HSP90AA1: variants seen among roughly 807,000 people sequenced by gnomAD.
The protein encoded by HSP90AA1 is heat shock protein HSP 90-alpha.
HSP90AA1 carries 18 observed loss-of-function variants against 73.3 expected under a neutral mutation model. That is an observed-to-expected ratio of 0.25 (90% CI 0.17 to 0.36). The LOEUF (loss-of-function observed/expected upper bound fraction) is 0.36, where lower values mean the gene tolerates loss of function less well. Ranked by LOEUF, HSP90AA1 falls within the 10% of genes least tolerant of loss-of-function variation. HSP90AA1 has a pLI of 1.00. For synonymous variants in HSP90AA1, 477 were observed against 296.9 expected, an observed-to-expected ratio of 1.61 and a Z score of -6.24; for missense variants, 704 against 874.2, an observed-to-expected ratio of 0.81 and a Z score of 2.45.
At chr14:102,090,119 T>G (rs998849100), upstream of HSP90AA1, among the ~76,000 whole-genome samples, 2 of 152,194 alleles carry the variant, frequency 1.3e-5, no homozygotes, top group African/African-American at 4.8e-5. Flanking sequence ...CCCACTGTGC[T>G]CCTATTTCTG....
Position 102,084,987 on chromosome 14 carries a change from T to C in HSP90AA1, c.675A>G (p.Glu225=), listed in dbSNP as rs147326221. Residue 225 remains glutamate, a synonymous_variant, in exon 5 of 11, where the codon GAA becomes GAG. Transcript: ENST00000216281. Reference sequence around the variant, plus strand: ...CATCATCGCTTACTTCTTTATCACGTTCCTTCTCCACCTTCAAAAGAAAAC... The same window carrying C: ...CATCATCGCTTACTTCTTTATCACGCTCCTTCTCCACCTTCAAAAGAAAAC... The part of the protein sequence containing the change: ...GYPITLFVEK[E]RDKEVSDDEA... 2.6e-4 allele frequency: 416 copies of C among 1,613,628 alleles called. No individual in the cohort carries two copies. In the African/African-American group the frequency reaches 5.0e-3, roughly 19 times the overall value.
upstream of HSP90AA1, among the ~76,000 whole-genome samples, chr14:102,089,792 T>C (rs757429681): frequency 6.6e-6 from 1 of 152,164 alleles, no homozygotes; most frequent in Non-Finnish European, 1.5e-5. Context: ...GATCTGGCAC[T>C]GAGTCCTGCC....
intron 2 of HSP90AA1, among the ~76,000 whole-genome samples, chr14:102,094,758 C>T (rs1042367702): frequency 6.6e-6 from 1 of 152,094 alleles, no homozygotes; most frequent in African/African-American, 2.4e-5. Flanking sequence ...TAGGCAGGGG[C>T]CAAGGGACTG....
intron 1 of HSP90AA1, among the ~76,000 whole-genome samples, chr14:102,116,118 A>AT (rs1173240447): frequency 2.0e-5 from 3 of 151,534 alleles, no homozygotes; most frequent in Non-Finnish European, 4.4e-5. Flanking sequence ...CGCCCAACTA[A>AT]TTTTTTTTGT....
intron 2 of HSP90AA1, among the ~76,000 whole-genome samples, chr14:102,098,626 G>A (rs570989130): frequency 2.0e-5 from 3 of 151,996 alleles, no homozygotes; most frequent in South Asian, 4.2e-4. Context: ...ACCACACCCC[G>A]CTAATTTTTA....
At chr14:102,136,802 C>T (rs1030846128) in intron 1 of HSP90AA1, among the ~76,000 whole-genome samples, 5 of 149,372 alleles carry the variant, frequency 3.3e-5, no homozygotes, top group African/African-American at 4.9e-5. Flanking sequence ...GCAGGAGAAT[C>T]GTTTGAATCC....
At chr14:102,133,762 C>A (rs1404169587) in intron 1 of HSP90AA1, among the ~76,000 whole-genome samples, 1 of 152,138 alleles carries the variant, frequency 6.6e-6, no homozygotes, top group East Asian at 1.9e-4. Flanking sequence ...GGATTACAGG[C>A]ATGAGCCACG....
At chr14:102,113,358 T>C (rs866471045) in intron 1 of HSP90AA1, among the ~76,000 whole-genome samples, 2 of 150,744 alleles carry the variant, frequency 1.3e-5, no homozygotes, top group African/African-American at 2.4e-5. Flanking sequence ...CTCTCTCTCT[T>C]TCTTTCTTTA....
At chr14:102,139,409 G>A in exon 1 of HSP90AA1, 4 of 1,554,006 alleles carry the variant, frequency 2.6e-6, no homozygotes, top group Non-Finnish European at 3.5e-6. Context: ...GGGCATCCGC[G>A]CTCCCCGTAG....
At chr14:102,128,875 A>G (rs1420811541) in intron 1 of HSP90AA1, among the ~76,000 whole-genome samples, 2 of 152,126 alleles carry the variant, frequency 1.3e-5, no homozygotes, top group Non-Finnish European at 2.9e-5. Flanking sequence ...GTTCAGATAG[A>G]GATAAGAAGG....
rs769876082 is a variant in HSP90AA1 at position 102,085,440 on chromosome 14, GAAGA to G, written c.530-13_530-10del. ...ACGACCCATAGGTTCACCTGCAAGA[GAAGA>G]AAGAAAAATTGACTTAATACATTCA... On this transcript the variant is annotated splice_polypyrimidine_tract_variant and intron_variant, in intron 3 of 10. Coordinates refer to ENST00000216281, the MANE Select transcript of HSP90AA1 (RefSeq NM_005348.4). 57 of 1,550,084 alleles carry G rather than the reference GAAGA, an allele frequency of 3.7e-5. No homozygotes were observed. Among genetic ancestry groups the G allele is most frequent in the South Asian group, 9.1e-5 (8 of 88,204 alleles).
intron 1 of HSP90AA1, among the ~76,000 whole-genome samples, chr14:102,119,092 C>T (rs763711613): frequency 1.3e-5 from 2 of 152,092 alleles, no homozygotes; most frequent in Admixed American, 6.6e-5. Context: ...TGAGCTCAAG[C>T]GATCCACCCT....
chr14:102,100,932 G>C (rs2049484943), intron 2 of HSP90AA1, among the ~76,000 whole-genome samples: 1 of 152,158 alleles, frequency 6.6e-6, no homozygotes, highest in South Asian at 2.1e-4. Flanking sequence ...TGGCGGGACG[G>C]GCTCTAATGA....
chr14:102,087,008 A>T lies in HSP90AA1; in HGVS notation c.-23T>A, dbSNP rs1311801528. 1.0e-6 allele frequency: 1 copy of T among 985,064 alleles called. No homozygotes were observed. Among genetic ancestry groups the T allele is most frequent in the Non-Finnish European group, 1.2e-6 (1 of 830,034 alleles). The allele number at this position is 985,064 out of a possible 1,614,324, so 61.0% of individuals were successfully genotyped here. On this transcript the variant is annotated 5_prime_UTR_variant, in exon 1 of 11. Transcript: ENST00000216281. ...CACCTTGGCTAAGTGACCGCACAGG[A>T]CCAACGGCACAGCCACACCGGGACG...
intron 2 of HSP90AA1, among the ~76,000 whole-genome samples, chr14:102,094,973 C>T (rs1351623742): frequency 4.6e-5 from 7 of 152,026 alleles, no homozygotes; most frequent in African/African-American, 1.7e-4. Context: ...AGCACAGGAG[C>T]CCCAGAGGCT....
At chr14:102,098,960 A>G (rs1341112460) in intron 2 of HSP90AA1, among the ~76,000 whole-genome samples, 1 of 152,196 alleles carries the variant, frequency 6.6e-6, no homozygotes, top group East Asian at 1.9e-4. Flanking sequence ...GTGGATTATT[A>G]AGTAGAGCTG....
chr14:102,084,812 A>T lies in HSP90AA1; in HGVS notation c.850T>A (p.Tyr284Asn), dbSNP rs1170824813. The change falls in exon 5 of 11, where the codon TAC (tyrosine) becomes AAC (asparagine). Residue 284 changes from tyrosine (Y) to asparagine (N), a missense_variant. Physicochemically the swap from Tyr to Asn is moderately radical, Grantham distance 143. Coordinates refer to ENST00000216281, the MANE Select transcript of HSP90AA1 (RefSeq NM_005348.4). The stretch of plus-strand genomic sequence containing the variant: ...TTGTTGAGCTCTTCTTGATCGATGT[A>T]CTTTTCCTTAATCTTCTTCTTCTTC... ...KKKKKKIKEKYIDQEELNKTK... is the reference protein window; with the variant it reads ...KKKKKKIKEKNIDQEELNKTK... 1 of 1,612,974 alleles carries T rather than the reference A, an allele frequency of 6.2e-7. No homozygotes were observed. The highest frequency in any genetic ancestry group is 8.5e-7 in the Non-Finnish European group (1 of 1,179,144).
At position 102,080,861 on chromosome 14, in the gene HSP90AA1, T is replaced by C. The variant is rs2049082598; in HGVS notation, c.*851A>G. On this transcript the variant is annotated 3_prime_UTR_variant, in exon 11 of 11. Transcript: ENST00000216281. ...ACGCAGGGGATGCATGTTGTCTGCA[T>C]TCCTGTTTTCTGTGCCTACGTGTGC... 1 of 227,930 alleles carries C rather than the reference T, an allele frequency of 4.4e-6. No homozygotes were observed. Among genetic ancestry groups the C allele is most frequent in the African/African-American group, 2.2e-5 (1 of 45,030 alleles). The allele number at this position is 227,930 out of a possible 1,614,324, so 14.1% of individuals were successfully genotyped here.
chr14:102,118,638 G>T (rs915999817), intron 1 of HSP90AA1, among the ~76,000 whole-genome samples: 2 of 151,866 alleles, frequency 1.3e-5, no homozygotes, highest in Non-Finnish European at 2.9e-5. Flanking sequence ...TTTACCTACA[G>T]ATTTTAAATA....
Sources: gnomAD v4.1 joint callset for allele counts (sites outside exome capture counted in the v4.1 genomes callset) on GRCh38, gnomAD v4.1.1 for gene constraint, MANE v1.5 for transcripts, NCBI Gene and HGNC (gene_info 2026-07-23, HGNC 2026-07-21) for gene names.